Variants in PRKAR2A observed in about 807,000 individuals in gnomAD.
PRKAR2A encodes cAMP-dependent protein kinase type II-alpha regulatory subunit.
In PRKAR2A, 29 loss-of-function variants were observed where a neutral mutation model predicts 51.9. That is an observed-to-expected ratio of 0.56 (90% CI 0.42 to 0.76). PRKAR2A has a LOEUF of 0.76. PRKAR2A is among the 30% of genes least tolerant of loss of function. PRKAR2A has a pLI of 0.00. For missense variants in PRKAR2A, 445 were observed against 512.1 expected (o/e 0.87, Z 1.26); for synonymous variants, 178 against 186.2 (o/e 0.96, Z 0.36).
chr3:48,826,394 A>G (rs2083066629), intron 1 of PRKAR2A, among the ~76,000 whole-genome samples: 1 of 152,218 alleles, frequency 6.6e-6, no homozygotes, highest in African/African-American at 2.4e-5. Context: ...CAGTGAAATG[A>G]AGAGACATAC....
chr3:48,840,506 A>G (rs2083359740), intron 1 of PRKAR2A, among the ~76,000 whole-genome samples: 1 of 146,796 alleles, frequency 6.8e-6, no homozygotes, highest in Admixed American at 6.9e-5. Flanking sequence ...GTATATATAT[A>G]CCATATTTTG....
At chr3:48,818,596 AT>A (rs1481560953) in intron 1 of PRKAR2A, among the ~76,000 whole-genome samples, 2 of 152,132 alleles carry the variant, frequency 1.3e-5, no homozygotes, top group African/African-American at 4.8e-5. Context: ...CAAAAAAAAA[AT>A]GTTTTAATTA....
In PRKAR2A at chr3:48,783,030, G is replaced by C. The variant is rs754228715; in HGVS notation, c.498C>G (p.Val166=). The C allele has an allele frequency of 5.6e-6, 9 of 1,613,868 alleles. No individual in the cohort carries two copies. In the East Asian group the frequency reaches 2.0e-4, roughly 36 times the overall value. ...TGTCTCCATCATCTCCTTGGTCAAT[G>C]ACATGCTCATCAGCTTTGACTATCC... is the stretch of plus-strand genomic sequence containing the variant. ...FERIVKADEH[V]IDQGDDGDNF... Residue 166 remains valine, a synonymous_variant, in exon 5 of 11, where the codon GTC becomes GTG. Transcript: ENST00000265563.
intron 1 of PRKAR2A, among the ~76,000 whole-genome samples, chr3:48,825,180 C>A (rs2083042338): frequency 6.6e-6 from 1 of 151,312 alleles, no homozygotes; most frequent in Non-Finnish European, 1.5e-5. Context: ...GGATTACAGG[C>A]ATACACTGCC....
At chr3:48,808,436 G>C (rs568361527) in intron 1 of PRKAR2A, among the ~76,000 whole-genome samples, 159 of 152,314 alleles carry the variant, frequency 1.0e-3, no homozygotes, top group Admixed American at 3.0e-3. Context: ...TGTATTTTTA[G>C]TAGAGACGGG....
chr3:48,794,368 C>A (rs2082454410), intron 2 of PRKAR2A, among the ~76,000 whole-genome samples: 1 of 151,734 alleles, frequency 6.6e-6, no homozygotes, highest in African/African-American at 2.4e-5. Context: ...TCAGGCTGCT[C>A]TCAAACTCCT....
At position 48,782,171 on chromosome 3, in the gene PRKAR2A, C is replaced by T. The variant is rs117860554; in HGVS notation, c.542+815G>A. ...AGGACACCCACCTCACTGCCACCAG[C>T]CAGAGGATACTAAACTCAAGAGGTT... is the stretch of plus-strand genomic sequence containing the variant. On this transcript the variant is annotated intron_variant, in intron 5 of 10. Coordinates refer to ENST00000265563, the MANE Select transcript of PRKAR2A (RefSeq NM_004157.4). Among the ~76,000 whole-genome samples, 162 of 152,196 alleles carry T rather than the reference C, an allele frequency of 1.1e-3. 4 individuals are homozygous for T. In the East Asian group the frequency reaches 0.028, roughly 26 times the overall value.
At chr3:48,831,011 C>T (rs1292238005) in intron 1 of PRKAR2A, among the ~76,000 whole-genome samples, 2 of 152,206 alleles carry the variant, frequency 1.3e-5, no homozygotes, top group Non-Finnish European at 2.9e-5. Context: ...TGCTTGCCCA[C>T]TGCTCACCTC....
At position 48,752,308 on chromosome 3, in the gene PRKAR2A, T is replaced by G. The variant is rs773733467; in HGVS notation, c.949A>C (p.Asn317His). The G allele has an allele frequency of 6.2e-7, 1 of 1,613,802 alleles. No homozygotes were observed. Among genetic ancestry groups the G allele is most frequent in the South Asian group, 1.1e-5 (1 of 91,012 alleles). ...SILIRSRTKS[N>H]KDGGNQEVEI... Reference sequence around the variant, plus strand: ...ACCTCCTGGTTCCCACCATCCTTGTTTGATTTAGTCTACAGCAGGCAAAGA... The same window carrying G: ...ACCTCCTGGTTCCCACCATCCTTGTGTGATTTAGTCTACAGCAGGCAAAGA... The change falls in exon 10 of 11, where the codon AAC (asparagine) becomes CAC (histidine). Residue 317 changes from asparagine to histidine, a missense_variant. Asn to His is a moderately conservative substitution (Grantham distance 68, BLOSUM62 1). Transcript: ENST00000265563.
rs549681841 is a variant in PRKAR2A at position 48,827,639 on chromosome 3, T to C, written c.262+19696A>G. Among the ~76,000 whole-genome samples, 432 of 152,250 alleles carry C rather than the reference T, an allele frequency of 2.8e-3. 4 individuals are homozygous for C. The highest frequency in any genetic ancestry group is 9.9e-3 in the African/African-American group (410 of 41,548). On this transcript the variant is annotated intron_variant, in intron 1 of 10. Coordinates refer to ENST00000265563, the MANE Select transcript of PRKAR2A (RefSeq NM_004157.4). ...ACATAGAAAACGTATGGTAAAAATATGGTATAAAAGTAATTTTACACTTGT... is the reference window on the plus strand; with the variant it reads ...ACATAGAAAACGTATGGTAAAAATACGGTATAAAAGTAATTTTACACTTGT...
intron 10 of PRKAR2A, 122 bp downstream of exon 10, chr3:48,752,054 T>C: frequency 8.7e-7 from 1 of 1,147,578 alleles, no homozygotes; most frequent in Non-Finnish European, 1.2e-6. Flanking sequence ...CTCTGGTTGG[T>C]CACATAAACT....
At chr3:48,779,123 G>A (rs377728267) in intron 5 of PRKAR2A, among the ~76,000 whole-genome samples, 7 of 151,916 alleles carry the variant, frequency 4.6e-5, no homozygotes, top group South Asian at 2.1e-4. Flanking sequence ...CACCGTGCCC[G>A]GCCTAAAAAA....
At chr3:48,836,830 ATTTTG>A (rs1484207306) in intron 1 of PRKAR2A, among the ~76,000 whole-genome samples, 1 of 151,106 alleles carries the variant, frequency 6.6e-6, no homozygotes, top group Non-Finnish European at 1.5e-5. Flanking sequence ...AAAAAAAAAA[ATTTTG>A]TTTAGTTAGC....
chr3:48,810,224 ATGTG>A (rs67806867), intron 1 of PRKAR2A, among the ~76,000 whole-genome samples: 97,722 of 150,808 alleles, frequency 0.65, 32,462 homozygotes, highest in East Asian at 0.96. Flanking sequence ...AGAGAAATAA[ATGTG>A]TGTGTGTGTG....
chr3:48,778,856 A>C (rs1575865420), intron 5 of PRKAR2A, among the ~76,000 whole-genome samples: 5 of 78,616 alleles, frequency 6.4e-5, no homozygotes, highest in South Asian at 3.5e-4. Flanking sequence ...ATGGAGTTTC[A>C]CTATTGTTGC....
In PRKAR2A at chr3:48,847,004, G is replaced by A. The variant is rs992479762; in HGVS notation, c.262+331C>T. Among the ~76,000 whole-genome samples the A allele has an allele frequency of 6.6e-6, 1 of 152,210 alleles. No homozygotes were observed. The highest frequency in any genetic ancestry group is 1.5e-5 in the Non-Finnish European group (1 of 68,042). On this transcript the variant is annotated intron_variant, in intron 1 of 10. Transcript: ENST00000265563. This position sits in a 1 kb window ranked among gnomAD's most constrained non-coding sequence, Gnocchi z 4.4. ...TAAACACAAGTCACTGGATGAGAACGCTGTTGTCTTCGAAGCCAAAACTGG... is the reference window on the plus strand; with the variant it reads ...TAAACACAAGTCACTGGATGAGAACACTGTTGTCTTCGAAGCCAAAACTGG...
intron 1 of PRKAR2A, among the ~76,000 whole-genome samples, chr3:48,832,237 C>T (rs566703221): frequency 3.0e-4 from 44 of 147,380 alleles, no homozygotes; most frequent in Non-Finnish European, 5.6e-4. Context: ...GAGGTTGCAG[C>T]GAGCCGAGAT....
intron 1 of PRKAR2A, among the ~76,000 whole-genome samples, chr3:48,816,018 CAAAAAAAAAAAA>C (rs748275352): frequency 3.9e-5 from 2 of 51,678 alleles, no homozygotes; most frequent in South Asian, 7.0e-4. Flanking sequence ...GACTCCATCT[CAAAAAAAAAAAA>C]AAAAAAAAAG....
At chr3:48,756,936 G>A (rs1361722705) in intron 8 of PRKAR2A, among the ~76,000 whole-genome samples, 2 of 152,188 alleles carry the variant, frequency 1.3e-5, no homozygotes, top group Non-Finnish European at 2.9e-5. Context: ...TCTAGTCCCA[G>A]GACGTATCAC....
Sources: gnomAD v4.1 joint callset for allele counts (sites outside exome capture counted in the v4.1 genomes callset) on GRCh38, gnomAD v4.1.1 for gene constraint, Gnocchi (gnomAD v3.1) non-coding constraint, MANE v1.5 for transcripts, NCBI Gene and HGNC (gene_info 2026-07-23, HGNC 2026-07-21) for gene names.